SLC5A2: variants seen among roughly 807,000 people sequenced by gnomAD.
The protein encoded by SLC5A2 is solute carrier family 5 member 2, also known as sodium/glucose cotransporter 2.
SLC5A2 carries 67 observed loss-of-function variants against 69.0 expected under a neutral mutation model. The observed-to-expected ratio is 0.97, with a 90% CI of 0.80 to 1.19. The LOEUF is 1.19. Among genes scored for constraint, SLC5A2 ranks in the 50% most tolerant of loss-of-function variants. SLC5A2 has a pLI of 0.00. For missense variants in SLC5A2, 1,001 were observed against 921.5 expected (o/e 1.09, Z -1.12); for synonymous variants, 455 against 395.8 (o/e 1.15, Z -1.78).
At chr16:31,486,977 CG>C (rs1290620443) in intron 5 of SLC5A2, among the ~76,000 whole-genome samples, 1 of 152,114 alleles carries the variant, frequency 6.6e-6, no homozygotes, top group African/African-American at 2.4e-5. Flanking sequence ...ACCGGGCAGG[CG>C]GAAGTTGCAG....
At chr16:31,489,099 C>T in intron 11 of SLC5A2, 24 bp from the exon 12 acceptor site, 1 of 1,605,316 alleles carries the variant, frequency 6.2e-7, no homozygotes, top group Non-Finnish European at 8.5e-7. Flanking sequence ...ACATCCTCAG[C>T]AGGCTGACCT....
intron 4 of SLC5A2, 45 bp from the exon 5 acceptor site, chr16:31,486,125 G>A: frequency 3.4e-6 from 5 of 1,464,310 alleles, no homozygotes; most frequent in Non-Finnish European, 3.8e-6. Context: ...GGTGGGCTGG[G>A]GACACTGCCC....
At chr16:31,483,335 C>G in intron 1 of SLC5A2, 73 bp downstream of exon 1, 1 of 1,582,182 alleles carries the variant, frequency 6.3e-7, no homozygotes, top group Non-Finnish European at 8.7e-7. Context: ...CAGGGGGACC[C>G]TAGGTGGGAG....
chr16:31,487,483 C>T (rs1019874103), intron 6 of SLC5A2, 47 bp from the exon 7 acceptor site: 18 of 1,610,972 alleles, frequency 1.1e-5, no homozygotes, highest in Non-Finnish European at 1.5e-5. Flanking sequence ...TGCGCGTCTC[C>T]GGTCTGAGGG....
chr16:31,485,583 C>A, intron 3 of SLC5A2, 146 bp from the exon 4 acceptor site: 1 of 934,670 alleles, frequency 1.1e-6, no homozygotes, highest in South Asian at 1.5e-5. Context: ...TGCCCAGGGC[C>A]CCGGGGCCAT....
At position 31,488,658 on chromosome 16, in the gene SLC5A2, C is replaced by A. The variant is rs1335637348; in HGVS notation, c.1166C>A (p.Ala389Glu). Residue 389 changes from alanine to glutamate, a missense_variant, in exon 10 of 14, where the codon GCG becomes GAG. Transcript: ENST00000330498. ...CTCATGCTGGCGGTCATGCTGGCCG[C>A]GCTCATGTCCTCGCTGGCCTCCATC... ...RGLMLAVMLA[A>E]LMSSLASIFN... The A allele has an allele frequency of 6.2e-7, 1 of 1,612,388 alleles. No homozygotes were observed. The highest frequency in any genetic ancestry group is 1.1e-5 in the South Asian group (1 of 91,050).
chr16:31,489,903 C>G (rs1352239893), intron 12 of SLC5A2: 1 of 668,290 alleles, frequency 1.5e-6, no homozygotes. Flanking sequence ...GCTTTAAACA[C>G]AAGCTCAGGG....
intron 1 of SLC5A2, 46 bp downstream of exon 1, chr16:31,483,308 G>A (rs777833900): frequency 6.2e-7 from 1 of 1,610,128 alleles, no homozygotes; most frequent in African/African-American, 1.3e-5. Context: ...GGCTTTGGGG[G>A]CCTGGGGGAA....
In SLC5A2 at chr16:31,487,387, C is replaced by T; in HGVS notation, c.642C>T (p.Ile214=). The T allele has an allele frequency of 6.2e-7, 1 of 1,613,840 alleles. No individual in the cohort carries two copies. Among genetic ancestry groups the T allele is most frequent in the Non-Finnish European group, 8.5e-7 (1 of 1,179,996 alleles). ...TCGTCATTCTGGGGGGCGCCTGCAT[C>T]CTCATGGGTTACGGTAGGGGCTCGC... is the stretch of plus-strand genomic sequence containing the variant. The part of the protein sequence containing the change: ...QTFVILGGAC[I]LMGYAFHEVG... Residue 214 remains isoleucine (I), a synonymous_variant, in exon 6 of 14, where the codon ATC becomes ATT. Transcript: ENST00000330498.
rs749611518 is a variant in SLC5A2 at position 31,488,390 on chromosome 16, GGCGTGCGTGGTGCCTGAGGTGTGCAGGC to G, written c.1035_1062del (p.Val346AlafsTer17). ...GTGGCCTCTCTCTGGCAGACGAGGTGGCGTGCGTGGTGCCTGAGGTGTGCAGGCGCGTGTGCGGCACGGAGGTGGGCTG... is the reference window on the plus strand; with the variant it reads ...GTGGCCTCTCTCTGGCAGACGAGGTGGCGTGTGCGGCACGGAGGTGGGCTG... On this transcript the variant is annotated frameshift_variant, in exon 9 of 14. Coordinates refer to ENST00000330498, the MANE Select transcript of SLC5A2 (RefSeq NM_003041.4). LOFTEE classifies it high-confidence loss of function. 21 of 1,611,436 alleles carry G rather than the reference GGCGTGCGTGGTGCCTGAGGTGTGCAGGC, an allele frequency of 1.3e-5. No homozygotes were observed. The highest frequency in any genetic ancestry group is 1.7e-5 in the Non-Finnish European group (20 of 1,179,822).
rs764406936 is a variant in SLC5A2, at chr16:31,484,755, C to T, written c.198+11C>T. On this transcript the variant is annotated intron_variant, in intron 2 of 13. Coordinates refer to ENST00000330498, the MANE Select transcript of SLC5A2 (RefSeq NM_003041.4). ...ATGGTGTGGTGGCCGGTGAGACGGGCTGGGCCGGGAACGGGAGGGGCCTGG... is the reference window on the plus strand; with the variant it reads ...ATGGTGTGGTGGCCGGTGAGACGGGTTGGGCCGGGAACGGGAGGGGCCTGG... 1.2e-6 allele frequency: 2 copies of T among 1,610,574 alleles called. No individual in the cohort carries two copies. Among genetic ancestry groups the T allele is most frequent in the South Asian group, 2.2e-5 (2 of 91,086 alleles).
Position 31,485,893 on chromosome 16 carries a change from A to T in SLC5A2, c.468A>T (p.Ser156=), listed in dbSNP as rs919029660. 8 of 1,613,508 alleles carry T rather than the reference A, an allele frequency of 5.0e-6. No individual in the cohort carries two copies. Among genetic ancestry groups the T allele is most frequent in the Non-Finnish European group, 6.8e-6 (8 of 1,180,018 alleles). Residue 156 remains serine (S), a splice_region_variant and synonymous_variant, in exon 4 of 14, where the codon TCA becomes TCT. Transcript: ENST00000330498. ...TCCTGTACATCTTCACCAAGATCTC[A>T]GTGAGTGCCTGTGGCAGATGCGATT... The part of the protein sequence containing the change: ...SLFLYIFTKI[S]VDMFSGAVFI...
rs375856952 is a variant in SLC5A2 at position 31,490,740 on chromosome 16, A to G, written c.*205A>G. 166 of 1,420,208 alleles carry G rather than the reference A, an allele frequency of 1.2e-4. 1 individual carries two copies. The Middle Eastern group carries it at 1.8e-3, about 15-fold the overall frequency. The allele number at this position is 1,420,208 out of a possible 1,614,324, so 88.0% of individuals were successfully genotyped here. On this transcript the variant is annotated 3_prime_UTR_variant, in exon 14 of 14. Coordinates refer to ENST00000330498, the MANE Select transcript of SLC5A2 (RefSeq NM_003041.4). ...CTGGCCCACCCGCTGCAGTTGCCCT[A>G]AGGAAAAATAAAGCTGCCTTTCCCC...
rs747494536 is a variant in SLC5A2, at chr16:31,486,279, C to A, written c.574+4C>A. 2.5e-6 allele frequency: 4 copies of A among 1,606,760 alleles called. No homozygotes were observed. Among genetic ancestry groups the A allele is most frequent in the African/African-American group, 1.3e-5 (1 of 74,738 alleles). Reference sequence around the variant, plus strand: ...ACCATGATTTACACGGTGACAGGTGCCAGCAGGGGCTTAGGAAAGGGAGTG... The same window carrying A: ...ACCATGATTTACACGGTGACAGGTGACAGCAGGGGCTTAGGAAAGGGAGTG... On this transcript the variant is annotated splice_donor_region_variant and intron_variant, in intron 5 of 13. Coordinates refer to ENST00000330498, the MANE Select transcript of SLC5A2 (RefSeq NM_003041.4).
rs1028301327 is a variant in SLC5A2, at chr16:31,489,027, C to A, written c.1428C>A (p.Phe476Leu). The A allele has an allele frequency of 3.1e-6, 5 of 1,600,666 alleles. No homozygotes were observed. In the African/African-American group the frequency reaches 5.3e-5, roughly 17 times the overall value. ...PVSAVFVLAL[F>L]VPRVNEQGAF... ...CCGCCGTCTTCGTGCTGGCGCTCTT[C>A]GTGCCGCGCGTTAATGAGCAGGTGA... is the stretch of plus-strand genomic sequence containing the variant. Residue 476 changes from phenylalanine to leucine, a missense_variant, in exon 11 of 14, where the codon TTC becomes TTA. Physicochemically the swap from Phe to Leu is conservative, Grantham distance 22 (BLOSUM62 0). Coordinates refer to ENST00000330498, the MANE Select transcript of SLC5A2 (RefSeq NM_003041.4).
At chr16:31,488,550 T>G in intron 9 of SLC5A2, 60 bp downstream of exon 9, 1 of 1,601,800 alleles carries the variant, frequency 6.2e-7, no homozygotes, top group Non-Finnish European at 8.5e-7. Flanking sequence ...CTGGGAGGGG[T>G]CGTCCCTCGC....
chr16:31,486,110 C>A, intron 4 of SLC5A2, 60 bp from the exon 5 acceptor site: 1 of 1,355,128 alleles, frequency 7.4e-7, no homozygotes, highest in Non-Finnish European at 1.1e-6. Context: ...ATGGCCTGGG[C>A]AGGAGGTGGG....
At position 31,488,379 on chromosome 16, in the gene SLC5A2, G is replaced by A. The variant is rs377704962; in HGVS notation, c.1022-4G>A. ...CTAACGGCGCGGTGGCCTCTCTCTG[G>A]CAGACGAGGTGGCGTGCGTGGTGCC... On this transcript the variant is annotated splice_region_variant and splice_polypyrimidine_tract_variant and intron_variant, in intron 8 of 13. Coordinates refer to ENST00000330498, the MANE Select transcript of SLC5A2 (RefSeq NM_003041.4). 2.2e-5 allele frequency: 36 copies of A among 1,610,790 alleles called. No individual in the cohort carries two copies. Among genetic ancestry groups the A allele is most frequent in the Non-Finnish European group, 3.0e-5 (35 of 1,179,768 alleles).
At chr16:31,489,909 C>T in intron 12 of SLC5A2, 195 bp from the exon 13 acceptor site, 2 of 691,616 alleles carry the variant, frequency 2.9e-6, no homozygotes, top group Non-Finnish European at 5.0e-6. Context: ...AACACAAGCT[C>T]AGGGGCTTGG....
Sources: allele counts gnomAD v4.1 joint callset (sites outside exome capture counted in the v4.1 genomes callset), GRCh38; gene constraint gnomAD v4.1.1; transcripts MANE v1.5; gene names NCBI Gene and HGNC (gene_info 2026-07-23, HGNC 2026-07-21).